KIAA1671: variants seen among roughly 807,000 people sequenced by gnomAD.
KIAA1671 encodes the protein KIAA1671.
KIAA1671 carries 52 observed loss-of-function variants against 131.2 expected under a neutral mutation model. The ratio of observed to expected loss-of-function variants is 0.40; its 90% CI spans 0.32 to 0.50. The LOEUF is 0.50. Ranked by LOEUF, KIAA1671 falls within the 20% of genes least tolerant of loss-of-function variation. The probability of loss-of-function intolerance (pLI) is 0.73; values close to 1 mark genes in which losing one functional copy is unlikely to be tolerated. For missense variants in KIAA1671, 2,360 were observed against 2,364.2 expected (o/e 1.00, Z 0.04); for synonymous variants, 1,003 against 961.6 (o/e 1.04, Z -0.80).
intron 6 of KIAA1671, chr22:25,070,284 G>T: frequency 2.4e-6 from 1 of 415,882 alleles, no homozygotes; most frequent in South Asian, 1.2e-4. Context: ...ACTCCAGCGT[G>T]ACAGGAGTGA....
intron 6 of KIAA1671, among the ~76,000 whole-genome samples, chr22:25,090,745 T>C (rs1220717636): frequency 6.6e-6 from 1 of 152,242 alleles, no homozygotes. Flanking sequence ...CATCATTTTA[T>C]CACAGGCTCA....
chr22:24,978,981 A>G (rs12157811), intron 1 of KIAA1671, among the ~76,000 whole-genome samples: 20,480 of 143,722 alleles, frequency 0.14, 1,813 homozygotes, highest in East Asian at 0.44. Context: ...CACCACACCC[A>G]GCCAATCATC....
intron 6 of KIAA1671, among the ~76,000 whole-genome samples, chr22:25,066,211 C>T (rs2145842265): frequency 6.6e-6 from 1 of 152,258 alleles, no homozygotes; most frequent in South Asian, 2.1e-4. Flanking sequence ...TGCAGTATTG[C>T]AATCATAGTT....
intron 7 of KIAA1671, among the ~76,000 whole-genome samples, 183 bp from the exon 8 acceptor site, chr22:25,174,057 G>A (rs1601382243): frequency 6.6e-6 from 1 of 152,178 alleles, no homozygotes; most frequent in East Asian, 1.9e-4. Flanking sequence ...GCCTTAGACA[G>A]CACCTCGCTG....
At chr22:25,008,849 G>A (rs559412010) in intron 1 of KIAA1671, among the ~76,000 whole-genome samples, 1 of 152,356 alleles carries the variant, frequency 6.6e-6, no homozygotes, top group Admixed American at 6.5e-5. Flanking sequence ...TAGGCCAAGT[G>A]TGTCTCTTCA....
At chr22:25,031,800 C>A (rs1277200512) in intron 3 of KIAA1671, among the ~76,000 whole-genome samples, 2 of 152,182 alleles carry the variant, frequency 1.3e-5, no homozygotes, top group Non-Finnish European at 2.9e-5. Context: ...CCCCATCTGA[C>A]AGGTGGGGAA....
chr22:24,959,690 T>A (rs1159258950), intron 1 of KIAA1671, among the ~76,000 whole-genome samples: 1 of 152,192 alleles, frequency 6.6e-6, no homozygotes, highest in African/African-American at 2.4e-5. Context: ...AGGAATCCTC[T>A]GGTCAACTGT....
chr22:25,008,675 A>G (rs2123872946), intron 1 of KIAA1671, among the ~76,000 whole-genome samples: 1 of 152,336 alleles, frequency 6.6e-6, no homozygotes, highest in East Asian at 1.9e-4. Context: ...GGTGGGTTGA[A>G]TGGGGAGATT....
At chr22:25,031,435 A>T (rs1249180157) in intron 3 of KIAA1671, among the ~76,000 whole-genome samples, 6 of 152,118 alleles carry the variant, frequency 3.9e-5, no homozygotes, top group Admixed American at 3.9e-4. Flanking sequence ...TGACCTCGTG[A>T]TCCGCCCGCC....
At chr22:25,095,423 G>C (rs1930346698) in intron 6 of KIAA1671, among the ~76,000 whole-genome samples, 1 of 152,224 alleles carries the variant, frequency 6.6e-6, no homozygotes, top group African/African-American at 2.4e-5. Context: ...AGGCTGAAGA[G>C]GGTGGATCAC....
intron 6 of KIAA1671, among the ~76,000 whole-genome samples, chr22:25,125,471 C>T (rs1382823068): frequency 1.3e-5 from 2 of 152,172 alleles, no homozygotes; most frequent in Non-Finnish European, 2.9e-5. Flanking sequence ...CTGCTGACGT[C>T]TCATTTCTTG....
intron 6 of KIAA1671, among the ~76,000 whole-genome samples, chr22:25,111,521 C>T (rs1014909818): frequency 6.6e-6 from 1 of 152,228 alleles, no homozygotes; most frequent in Non-Finnish European, 1.5e-5. Flanking sequence ...CCAGGGGACC[C>T]GGGGGCCCTG....
intron 1 of KIAA1671, among the ~76,000 whole-genome samples, chr22:24,971,948 G>A (rs1283379569): frequency 1.3e-5 from 2 of 152,164 alleles, no homozygotes; most frequent in Admixed American, 6.5e-5. Flanking sequence ...GGGACTGAGG[G>A]AGGGTAGGTG....
chr22:25,186,695 C>G (rs555347054), intron 11 of KIAA1671, among the ~76,000 whole-genome samples: 2 of 152,376 alleles, frequency 1.3e-5, no homozygotes, highest in African/African-American at 4.8e-5. Flanking sequence ...GAGAGGGGAT[C>G]CCAGGCTAAA....
intron 6 of KIAA1671, among the ~76,000 whole-genome samples, chr22:25,078,557 T>C (rs1929233111): frequency 6.6e-6 from 1 of 152,102 alleles, no homozygotes; most frequent in Non-Finnish European, 1.5e-5. Context: ...AAAATAGATG[T>C]GGGCTGATGG....
At chr22:24,990,492 C>A (rs1032901824) in intron 1 of KIAA1671, among the ~76,000 whole-genome samples, 1 of 152,238 alleles carries the variant, frequency 6.6e-6, no homozygotes, top group African/African-American at 2.4e-5. Context: ...TTCCCTGGCC[C>A]CACACACACC....
chr22:24,969,811 A>C (rs1569194736), intron 1 of KIAA1671, among the ~76,000 whole-genome samples: 1 of 152,184 alleles, frequency 6.6e-6, no homozygotes, highest in Non-Finnish European at 1.5e-5. Context: ...ATCACTACCC[A>C]GTATGAACTT....
Position 24,974,663 on chromosome 22 carries a change from T to G in KIAA1671, c.-208+21891T>G, listed in dbSNP as rs144980357. Among the ~76,000 whole-genome samples the G allele has an allele frequency of 8.0e-4, 122 of 151,642 alleles. 1 individual carries two copies. Among genetic ancestry groups the G allele is most frequent in the African/African-American group, 2.8e-3 (115 of 41,396 alleles). ...CAGTACAGCCTTATTGAGATATAAT[T>G]CACTTATCATCCAGCTCACCTCTTT... On this transcript the variant is annotated intron_variant, in intron 1 of 12. Coordinates refer to ENST00000358431, the MANE Select transcript of KIAA1671 (RefSeq NM_001145206.2).
intron 6 of KIAA1671, among the ~76,000 whole-genome samples, chr22:25,101,930 G>A (rs1930701811): frequency 6.6e-6 from 1 of 152,330 alleles, no homozygotes; most frequent in Non-Finnish European, 1.5e-5. Context: ...CATAGGCAGA[G>A]TGGGACCCCA....
Sources: gnomAD v4.1 joint callset for allele counts (sites outside exome capture counted in the v4.1 genomes callset) on GRCh38, gnomAD v4.1.1 for gene constraint, MANE v1.5 for transcripts, NCBI Gene and HGNC (gene_info 2026-07-23, HGNC 2026-07-21) for gene names.